AOAH: variants seen among roughly 807,000 people sequenced by gnomAD.
AOAH encodes acyloxyacyl hydrolase (neutrophil).
A neutral mutation model predicts 92.2 loss-of-function variants in AOAH; 64 were observed. The observed-to-expected ratio is 0.69, with a 90% CI of 0.57 to 0.86. The LOEUF (loss-of-function observed/expected upper bound fraction) is 0.86, where lower values mean the gene tolerates loss of function less well. Among genes scored for constraint, AOAH ranks in the 40% least tolerant of loss-of-function variants. The pLI, the probability that AOAH is intolerant of heterozygous loss-of-function variation, is 0.00. For missense variants in AOAH, 656 were observed against 694.6 expected, an observed-to-expected ratio of 0.94 and a Z score of 0.62; for synonymous variants, 263 against 254.5, an observed-to-expected ratio of 1.03 and a Z score of -0.32.
At chr7:36,558,756 C>T (rs990411483) in intron 13 of AOAH, among the ~76,000 whole-genome samples, 3 of 152,236 alleles carry the variant, frequency 2.0e-5, no homozygotes, top group African/African-American at 7.2e-5. Context: ...AGCGAGACTC[C>T]GTGGGCATAG....
chr7:36,700,457 A>G (rs1426288625), intron 1 of AOAH, among the ~76,000 whole-genome samples: 1 of 152,108 alleles, frequency 6.6e-6, no homozygotes, highest in Non-Finnish European at 1.5e-5. Context: ...TTCACTTAAG[A>G]TAATGGCCTC....
intron 2 of AOAH, among the ~76,000 whole-genome samples, chr7:36,679,784 A>G (rs779537756): frequency 1.3e-5 from 2 of 152,098 alleles, no homozygotes; most frequent in Admixed American, 6.6e-5. Flanking sequence ...CAGCCTCCTG[A>G]GTAGCTAGGA....
chr7:36,706,466 A>G (rs541675011), intron 1 of AOAH, among the ~76,000 whole-genome samples: 1 of 152,266 alleles, frequency 6.6e-6, no homozygotes, highest in Admixed American at 6.5e-5. Flanking sequence ...AGATTTAGAA[A>G]AATTCCTAAG....
At chr7:36,702,986 T>C (rs1408570683) in intron 1 of AOAH, among the ~76,000 whole-genome samples, 1 of 152,146 alleles carries the variant, frequency 6.6e-6, no homozygotes, top group Non-Finnish European at 1.5e-5. Flanking sequence ...AAATCCTTTG[T>C]CATCATTTCA....
intron 5 of AOAH, among the ~76,000 whole-genome samples, chr7:36,636,341 G>A (rs1172091775): frequency 6.6e-6 from 1 of 152,092 alleles, no homozygotes; most frequent in African/African-American, 2.4e-5. Context: ...AATTATGCTT[G>A]CAATTCTGGT....
rs1349211074 is a variant in AOAH at position 36,513,052 on chromosome 7, G to C, written c.*200C>G. The C allele has an allele frequency of 4.5e-6, 7 of 1,542,736 alleles. No homozygotes were observed. The South Asian group carries it at 8.2e-5, about 18-fold the overall frequency. Reference sequence around the variant, plus strand: ...AAAGGTTATTTCAGGAACAGCGGAAGGGTTACTGATCCCGGGAGCACACAG... The same window carrying C: ...AAAGGTTATTTCAGGAACAGCGGAACGGTTACTGATCCCGGGAGCACACAG... On this transcript the variant is annotated 3_prime_UTR_variant, in exon 21 of 21. Transcript: ENST00000617537.
chr7:36,610,511 T>TA (rs70977167), intron 11 of AOAH, among the ~76,000 whole-genome samples: 76 of 66,902 alleles, frequency 1.1e-3, no homozygotes, highest in Non-Finnish European at 1.5e-3. Context: ...TTTTTTTTTT[T>TA]AAAAAAAAAG....
chr7:36,559,033 C>G (rs893750066), intron 13 of AOAH, among the ~76,000 whole-genome samples: 4 of 152,250 alleles, frequency 2.6e-5, no homozygotes, highest in Non-Finnish European at 4.4e-5. Context: ...CCCGGTACCT[C>G]AGATGGAAAT....
chr7:36,602,477 A>G (rs1790686160), intron 11 of AOAH, among the ~76,000 whole-genome samples: 1 of 150,510 alleles, frequency 6.6e-6, no homozygotes, highest in African/African-American at 2.4e-5. Flanking sequence ...GGGTGATTGA[A>G]CTTTTTTTTA....
chr7:36,527,809 C>A (rs1443483731), intron 19 of AOAH, among the ~76,000 whole-genome samples: 1 of 152,132 alleles, frequency 6.6e-6, no homozygotes. Context: ...CACATCGTAC[C>A]CACATGGGGT....
chr7:36,585,468 A>T (rs1178672979), intron 12 of AOAH, among the ~76,000 whole-genome samples: 1 of 152,188 alleles, frequency 6.6e-6, no homozygotes, highest in South Asian at 2.1e-4. Context: ...AAAAATGTAA[A>T]CATTTGGGTC....
At chr7:36,530,874 T>A (rs998252358) in intron 18 of AOAH, among the ~76,000 whole-genome samples, 4 of 152,184 alleles carry the variant, frequency 2.6e-5, no homozygotes, top group Non-Finnish European at 5.9e-5. Flanking sequence ...ATGGATCAAA[T>A]CCTTAAACAT....
At chr7:36,569,416 G>A (rs1243390653) in intron 13 of AOAH, among the ~76,000 whole-genome samples, 1 of 152,186 alleles carries the variant, frequency 6.6e-6, no homozygotes, top group South Asian at 2.1e-4. Flanking sequence ...AAAAGCAGAT[G>A]AGTCTTGTTT....
At chr7:36,611,416 A>G (rs1352606211) in intron 11 of AOAH, among the ~76,000 whole-genome samples, 1 of 152,238 alleles carries the variant, frequency 6.6e-6, no homozygotes, top group Non-Finnish European at 1.5e-5. Flanking sequence ...AACCCAAACC[A>G]ATACCAACAA....
At chr7:36,517,156 G>GTCTTTCTTTCTTTCTC (rs1783773173) in intron 20 of AOAH, among the ~76,000 whole-genome samples, 1 of 95,432 alleles carries the variant, frequency 1.0e-5, no homozygotes, top group Non-Finnish European at 2.2e-5. Flanking sequence ...ATCCATGTTA[G>GTCTTTCTTTCTTTCTC]TCTTTCTTTC....
intron 19 of AOAH, among the ~76,000 whole-genome samples, chr7:36,524,982 G>A (rs1167117088): frequency 6.6e-6 from 1 of 152,210 alleles, no homozygotes; most frequent in African/African-American, 2.4e-5. Flanking sequence ...AGGCCAATGG[G>A]AATTGAGCCT....
At chr7:36,617,295 G>A (rs188565049) in intron 10 of AOAH, among the ~76,000 whole-genome samples, 194 of 152,308 alleles carry the variant, frequency 1.3e-3, no homozygotes, top group Admixed American at 2.0e-3. Flanking sequence ...AGTGGGATGT[G>A]GGGAATCTAA....
intron 16 of AOAH, 39 bp downstream of exon 16, chr7:36,540,280 T>C (rs1372564922): frequency 1.3e-6 from 2 of 1,541,148 alleles, no homozygotes; most frequent in Non-Finnish European, 8.8e-7. Flanking sequence ...GTATATACAT[T>C]GATGTTATTA....
At chr7:36,565,672 A>C (rs1002796978) in intron 13 of AOAH, among the ~76,000 whole-genome samples, 1 of 151,776 alleles carries the variant, frequency 6.6e-6, no homozygotes. Flanking sequence ...AGCTGGGACT[A>C]TAGGTGTGTG....
Sources: allele counts gnomAD v4.1 joint callset (sites outside exome capture counted in the v4.1 genomes callset), GRCh38; gene constraint gnomAD v4.1.1; transcripts MANE v1.5; gene names NCBI Gene and HGNC (gene_info 2026-07-23, HGNC 2026-07-21).